The following FALEC variants were observed in gnomAD, a reference collection of about 807,000 sequenced individuals.
FALEC encodes the protein focally amplified lncRNA on chromosome 1.
chr1:150,526,666 C>T, the FALEC span, among the ~76,000 whole-genome samples: 18 of 152,042 alleles, frequency 1.2e-4, no homozygotes, highest in East Asian at 2.9e-3. Flanking sequence ...CGGAGTCTCA[C>T]TCTGTCGCCC....
At chr1:150,518,004 A>C (rs587679307) in exon 2 of FALEC, 2 of 152,338 alleles carry the variant, frequency 1.3e-5, no homozygotes, top group South Asian at 4.1e-4. Flanking sequence ...CTACACTAGC[A>C]GCCTATTACA....
chr1:150,533,925 A>G, the FALEC span, among the ~76,000 whole-genome samples: 1 of 152,230 alleles, frequency 6.6e-6, no homozygotes, highest in Non-Finnish European at 1.5e-5. Flanking sequence ...GGCTGGAAGA[A>G]GGAGACGTGT....
the FALEC span, among the ~76,000 whole-genome samples, chr1:150,526,298 C>T: frequency 2.0e-5 from 3 of 146,446 alleles, no homozygotes; most frequent in Admixed American, 1.4e-4. Flanking sequence ...TGCAGTGAAC[C>T]GAGATCATGC....
downstream of FALEC, among the ~76,000 whole-genome samples, chr1:150,520,788 T>C (rs1374169602): frequency 1.2e-4 from 15 of 121,210 alleles, no homozygotes; most frequent in Admixed American, 3.3e-4. Flanking sequence ...CTTTTCTTTT[T>C]TTTTTTTTTT....
chr1:150,523,902 G>A, the FALEC span, among the ~76,000 whole-genome samples: 2 of 152,092 alleles, frequency 1.3e-5, no homozygotes, highest in African/African-American at 4.8e-5. Context: ...GGCAGAATGC[G>A]ATTTGACAAC....
chr1:150,535,401 G>T, the FALEC span, among the ~76,000 whole-genome samples: 14 of 152,032 alleles, frequency 9.2e-5, no homozygotes, highest in Admixed American at 9.2e-4. Context: ...CCGCCACCAC[G>T]CCTGGCTAAT....
chr1:150,529,464 G>T, the FALEC span, among the ~76,000 whole-genome samples: 1 of 152,222 alleles, frequency 6.6e-6, no homozygotes, highest in Non-Finnish European at 1.5e-5. Flanking sequence ...TCCCCAAAAT[G>T]AAACCTTGTA....
At chr1:150,528,224 A>G in the FALEC span, among the ~76,000 whole-genome samples, 1 of 152,100 alleles carries the variant, frequency 6.6e-6, no homozygotes, top group Admixed American at 6.6e-5. Flanking sequence ...GGATGATGTT[A>G]TATAAGGAAG....
At chr1:150,519,869 A>G (rs587594074), downstream of FALEC, among the ~76,000 whole-genome samples, 1 of 151,214 alleles carries the variant, frequency 6.6e-6, no homozygotes, top group African/African-American at 2.4e-5. Context: ...TAATAATAAA[A>G]TAGGCTGGCG....
chr1:150,533,429 G>GTTTTT, the FALEC span, among the ~76,000 whole-genome samples: 1 of 121,194 alleles, frequency 8.3e-6, no homozygotes, highest in African/African-American at 3.1e-5. Context: ...GAGAACCAGA[G>GTTTTT]CTTTTTTTTT....
At chr1:150,528,583 A>ATT in the FALEC span, among the ~76,000 whole-genome samples, 2 of 140,888 alleles carry the variant, frequency 1.4e-5, no homozygotes, top group Non-Finnish European at 1.6e-5. Context: ...ATTACTATTA[A>ATT]TTTTTTTTTT....
At chr1:150,526,043 C>A in the FALEC span, among the ~76,000 whole-genome samples, 1 of 152,180 alleles carries the variant, frequency 6.6e-6, no homozygotes, top group African/African-American at 2.4e-5. Flanking sequence ...GTTCAGCATG[C>A]ATCAGTACTT....
chr1:150,532,743 A>G, the FALEC span, among the ~76,000 whole-genome samples: 1 of 152,044 alleles, frequency 6.6e-6, no homozygotes, highest in African/African-American at 2.4e-5. Flanking sequence ...CTCGCCCCCT[A>G]ACGGTGAAGA....
At chr1:150,529,879 G>A in the FALEC span, among the ~76,000 whole-genome samples, 1 of 152,176 alleles carries the variant, frequency 6.6e-6, no homozygotes, top group Non-Finnish European at 1.5e-5. Flanking sequence ...TTACAGGGGT[G>A]AGCCACCGCG....
downstream of FALEC, among the ~76,000 whole-genome samples, chr1:150,521,075 A>G (rs587707670): frequency 1.6e-4 from 24 of 152,292 alleles, no homozygotes; most frequent in East Asian, 4.2e-3. Flanking sequence ...TGCTGGGATT[A>G]CAGGCGTGAG....
chr1:150,522,896 T>TATATGC (rs1560270698), downstream of FALEC, among the ~76,000 whole-genome samples: 1 of 67,354 alleles, frequency 1.5e-5, no homozygotes, highest in African/African-American at 5.8e-5. Flanking sequence ...TACGTATATA[T>TATATGC]ATATATACAT....
At chr1:150,527,408 A>G in the FALEC span, among the ~76,000 whole-genome samples, 5 of 147,798 alleles carry the variant, frequency 3.4e-5, no homozygotes. Context: ...ACAGGTGCCC[A>G]CCACCACGCC....
At chr1:150,532,870 C>A in the FALEC span, among the ~76,000 whole-genome samples, 2 of 152,176 alleles carry the variant, frequency 1.3e-5, no homozygotes. Flanking sequence ...GGTGGGGACA[C>A]ATGCCCCTTT....
chr1:150,533,357 A>T, the FALEC span, among the ~76,000 whole-genome samples: 1 of 151,432 alleles, frequency 6.6e-6, no homozygotes, highest in Non-Finnish European at 1.5e-5. Flanking sequence ...GATGGGCCAC[A>T]TCGAGTGTGG....
Sources: allele counts gnomAD v4.1 joint callset (sites outside exome capture counted in the v4.1 genomes callset), GRCh38; gene constraint gnomAD v4.1.1; transcripts MANE v1.5; gene names NCBI Gene and HGNC (gene_info 2026-07-23, HGNC 2026-07-21).